Variants in ILRUN observed in about 807,000 individuals in gnomAD.
ILRUN encodes the protein protein ILRUN.
In ILRUN, 3 loss-of-function variants were observed where a neutral mutation model predicts 33.8. That is an observed-to-expected ratio of 0.09 (90% CI 0.04 to 0.23). The LOEUF (loss-of-function observed/expected upper bound fraction) is 0.23. Among genes scored for constraint, ILRUN ranks in the 10% least tolerant of loss-of-function variants. ILRUN has a pLI of 1.00. For synonymous variants in ILRUN, 124 were observed against 138.9 expected (o/e 0.89, Z 0.75); for missense variants, 210 against 375.1 (o/e 0.56, Z 3.64).
Position 34,654,600 on chromosome 6 carries a change from G to A in ILRUN, c.313+25C>T. ...ATTAAGAAAATGAAAACTAGGCAAGGGAGGATTGCCCATTATGTACTTACC... is the reference window on the plus strand; with the variant it reads ...ATTAAGAAAATGAAAACTAGGCAAGAGAGGATTGCCCATTATGTACTTACC... On this transcript the variant is annotated intron_variant, in intron 2 of 4. Coordinates refer to ENST00000374023, the MANE Select transcript of ILRUN (RefSeq NM_024294.4). 3.2e-6 allele frequency: 5 copies of A among 1,581,134 alleles called. No individual in the cohort carries two copies. In the South Asian group the frequency reaches 4.7e-5, roughly 15 times the overall value.
At chr6:34,620,851 A>G (rs1250252213) in intron 3 of ILRUN, among the ~76,000 whole-genome samples, 1 of 152,234 alleles carries the variant, frequency 6.6e-6, no homozygotes, top group African/African-American at 2.4e-5. Context: ...ACATTTTAAA[A>G]TAATGATAAA....
rs189745960 is a variant in ILRUN at position 34,614,559 on chromosome 6, A to G, written c.512-7655T>C. Among the ~76,000 whole-genome samples, 535 of 149,162 alleles carry G rather than the reference A, an allele frequency of 3.6e-3. 3 individuals are homozygous for G. The highest frequency in any genetic ancestry group is 0.012 in the African/African-American group (484 of 40,604). Reference sequence around the variant, plus strand: ...GTGCTATACATATAAGTGGGAGAGAAGAGACAAACTTCCTAACAGAGGAAT... The same window carrying G: ...GTGCTATACATATAAGTGGGAGAGAGGAGACAAACTTCCTAACAGAGGAAT... On this transcript the variant is annotated intron_variant, in intron 3 of 4. Transcript: ENST00000374023.
chr6:34,626,662 C>T lies in ILRUN; in HGVS notation c.512-19758G>A, dbSNP rs534391979. ...GTTTATGTTAGGATTCACTCTATGT[C>T]GTACATTCTACGGGTTTGGACAAAT... is the stretch of plus-strand genomic sequence containing the variant. On this transcript the variant is annotated intron_variant, in intron 3 of 4. Coordinates refer to ENST00000374023, the MANE Select transcript of ILRUN (RefSeq NM_024294.4). Among the ~76,000 whole-genome samples, 5 of 152,150 alleles carry T rather than the reference C, an allele frequency of 3.3e-5. No individual in the cohort carries two copies. The South Asian group carries it at 6.2e-4, about 19-fold the overall frequency.
chr6:34,614,441 A>ATATATATATATATATATATATAT (rs1210392851), intron 3 of ILRUN, among the ~76,000 whole-genome samples: 1 of 112,028 alleles, frequency 8.9e-6, no homozygotes, highest in African/African-American at 4.3e-5. Context: ...TAAAAAAAAA[A>ATATATATATATATATATATATAT]AAATATATAT....
At chr6:34,637,864 C>CTGCTGCTGCTGTTGTTGTTGT (rs749114775) in intron 3 of ILRUN, among the ~76,000 whole-genome samples, 31 of 142,018 alleles carry the variant, frequency 2.2e-4, no homozygotes, top group African/African-American at 6.5e-4. Flanking sequence ...GCTGCTGCTG[C>CTGCTGCTGCTGTTGTTGTTGT]TGTTGTTGTT....
At chr6:34,624,327 T>C (rs1360947055) in intron 3 of ILRUN, among the ~76,000 whole-genome samples, 6 of 152,078 alleles carry the variant, frequency 3.9e-5, no homozygotes, top group African/African-American at 1.2e-4. Flanking sequence ...TATTTTTTTA[T>C]TTTTTTATTT....
In ILRUN at chr6:34,668,676, CCTT is replaced by C. The variant is rs139787247; in HGVS notation, c.159-13900_159-13898del. On this transcript the variant is annotated intron_variant, in intron 1 of 4. Transcript: ENST00000374023. The stretch of plus-strand genomic sequence containing the variant: ...GAGGCTACCTGTGAGAACTCTGAAA[CCTT>C]CTTTTCTTTTTTTGGAGACAGTCTC... Among the ~76,000 whole-genome samples the C allele has an allele frequency of 3.8e-3, 580 of 152,180 alleles. 28 individuals carry two copies. In the East Asian group the frequency reaches 0.1, roughly 27 times the overall value.
At chr6:34,643,602 C>T (rs911964632) in intron 3 of ILRUN, among the ~76,000 whole-genome samples, 1 of 152,180 alleles carries the variant, frequency 6.6e-6, no homozygotes, top group African/African-American at 2.4e-5. Context: ...TTAGGACCCT[C>T]AGTTCTTTGG....
At chr6:34,656,453 C>T (rs1762773821) in intron 1 of ILRUN, among the ~76,000 whole-genome samples, 3 of 152,048 alleles carry the variant, frequency 2.0e-5, no homozygotes, top group South Asian at 2.1e-4. Flanking sequence ...CAGTAAGCTG[C>T]GTTCATTACA....
chr6:34,625,121 G>A (rs892637800), intron 3 of ILRUN, among the ~76,000 whole-genome samples: 4 of 152,068 alleles, frequency 2.6e-5, no homozygotes, highest in Non-Finnish European at 4.4e-5. Flanking sequence ...GACAGAAGTC[G>A]GAGTTGAATA....
At chr6:34,665,846 T>G (rs1227222397) in intron 1 of ILRUN, among the ~76,000 whole-genome samples, 1 of 152,184 alleles carries the variant, frequency 6.6e-6, no homozygotes, top group Non-Finnish European at 1.5e-5. Flanking sequence ...TGCCACACTT[T>G]TGCATACACT....
rs191186684 is a variant in ILRUN, at chr6:34,601,673, G to A, written c.861+4882C>T. Among the ~76,000 whole-genome samples, 510 of 151,390 alleles carry A rather than the reference G, an allele frequency of 3.4e-3. 2 individuals are homozygous for A. Among genetic ancestry groups the A allele is most frequent in the Middle Eastern group, 6.8e-3 (2 of 294 alleles). The stretch of plus-strand genomic sequence containing the variant: ...ACATCGCCAGGCCCATAGAACAAAA[G>A]ATCTGCCTTTTCCAAACCTCCTCCA... On this transcript the variant is annotated intron_variant, in intron 4 of 4. Transcript: ENST00000374023.
chr6:34,625,922 C>T (rs1329799469), intron 3 of ILRUN, among the ~76,000 whole-genome samples: 1 of 147,780 alleles, frequency 6.8e-6, no homozygotes, highest in African/African-American at 2.5e-5. Flanking sequence ...ACGATCTTGG[C>T]TCACTGCAAC....
chr6:34,691,919 T>G (rs1490479704), intron 1 of ILRUN, among the ~76,000 whole-genome samples: 2 of 152,082 alleles, frequency 1.3e-5, no homozygotes, highest in Non-Finnish European at 2.9e-5. Flanking sequence ...AAATGACAAA[T>G]TCTTACTTTT....
chr6:34,604,420 G>C (rs1761581137), intron 4 of ILRUN, among the ~76,000 whole-genome samples: 1 of 152,210 alleles, frequency 6.6e-6, no homozygotes, highest in African/African-American at 2.4e-5. Flanking sequence ...ACAGTGCCCT[G>C]GCCAAGAACA....
At chr6:34,606,982 A>G in intron 3 of ILRUN, 78 bp from the exon 4 acceptor site, 2 of 1,045,426 alleles carry the variant, frequency 1.9e-6, no homozygotes, top group Non-Finnish European at 1.4e-6. Flanking sequence ...AAAACCCCAA[A>G]CATTATCCAA....
chr6:34,629,833 T>C (rs1393152674), intron 3 of ILRUN, among the ~76,000 whole-genome samples: 3 of 152,234 alleles, frequency 2.0e-5, no homozygotes, highest in African/African-American at 7.2e-5. Context: ...AGCTCATGGA[T>C]ACAGGAGTCC....
At chr6:34,615,079 T>C (rs962673710) in intron 3 of ILRUN, among the ~76,000 whole-genome samples, 3 of 152,228 alleles carry the variant, frequency 2.0e-5, no homozygotes, top group Admixed American at 6.5e-5. Context: ...TGAAAAAAAT[T>C]GGTGAAATCC....
chr6:34,607,775 T>C (rs1407176386), intron 3 of ILRUN, among the ~76,000 whole-genome samples: 1 of 152,202 alleles, frequency 6.6e-6, no homozygotes. Flanking sequence ...GCAACTGTAA[T>C]ACAACAGTAA....
Sources: allele counts gnomAD v4.1 joint callset (sites outside exome capture counted in the v4.1 genomes callset), GRCh38; gene constraint gnomAD v4.1.1; transcripts MANE v1.5; gene names NCBI Gene and HGNC (gene_info 2026-07-23, HGNC 2026-07-21).